The following UACA variants were observed in gnomAD, a reference collection of about 807,000 sequenced individuals.
UACA encodes the protein nuclear membrane binding protein.
A neutral mutation model predicts 160.5 loss-of-function variants in UACA; 112 were observed. The observed-to-expected ratio is 0.70, with a 90% confidence interval of 0.60 to 0.82. UACA has a LOEUF of 0.82. Ranked by LOEUF, UACA falls within the 40% of genes least tolerant of loss-of-function variation. UACA has a pLI of 0.00. For synonymous variants in UACA, 557 were observed against 568.4 expected (o/e 0.98, Z 0.29); for missense variants, 1,574 against 1,614.6 (o/e 0.97, Z 0.43).
intron 3 of UACA, among the ~76,000 whole-genome samples, chr15:70,694,530 C>T (rs1463074868): frequency 1.3e-5 from 2 of 152,116 alleles, no homozygotes; most frequent in East Asian, 3.9e-4. Context: ...CAGCTCAGGG[C>T]CTCAGAACTT....
At chr15:70,658,026 C>A (rs139479372) in intron 18 of UACA, among the ~76,000 whole-genome samples, 1 of 151,640 alleles carries the variant, frequency 6.6e-6, no homozygotes, top group East Asian at 2.0e-4. Flanking sequence ...GGAGTTGAGG[C>A]TGTATGAGCT....
chr15:70,765,539 T>A (rs956926371), upstream of UACA, among the ~76,000 whole-genome samples: 4 of 152,352 alleles, frequency 2.6e-5, no homozygotes, highest in East Asian at 3.9e-4. Flanking sequence ...CTAACACATA[T>A]GAGCTGAGCA....
At chr15:70,777,358 G>A in the UACA span, among the ~76,000 whole-genome samples, 11 of 152,138 alleles carry the variant, frequency 7.2e-5, no homozygotes, top group Middle Eastern at 3.2e-3. Context: ...TGGAGGCCAG[G>A]AGGGACATAT....
At chr15:70,658,840 T>C (rs552755091) in intron 18 of UACA, among the ~76,000 whole-genome samples, 1 of 152,258 alleles carries the variant, frequency 6.6e-6, no homozygotes, top group African/African-American at 2.4e-5. Context: ...TTAGCCATAG[T>C]TGACTGAACT....
At chr15:70,686,484 CTT>C (rs59586401) in intron 7 of UACA, among the ~76,000 whole-genome samples, 15,226 of 105,102 alleles carry the variant, frequency 0.14, 829 homozygotes, top group African/African-American at 0.24. Context: ...AGCCAGGGTT[CTT>C]TTTTTTTTTT....
At chr15:70,691,406 T>C (rs759040692) in intron 3 of UACA, 43 bp from the exon 4 acceptor site, 2 of 1,406,094 alleles carry the variant, frequency 1.4e-6, no homozygotes, top group Non-Finnish European at 2.0e-6. Flanking sequence ...ATTTTCTTCA[T>C]ATGTAAATTG....
intron 1 of UACA, among the ~76,000 whole-genome samples, chr15:70,716,711 T>C (rs1390000607): frequency 6.6e-6 from 1 of 152,186 alleles, no homozygotes; most frequent in Admixed American, 6.5e-5. Context: ...GGAAAATAGA[T>C]ACAATATTAA....
upstream of UACA, among the ~76,000 whole-genome samples, chr15:70,765,064 T>C (rs2030971673): frequency 6.6e-6 from 1 of 152,212 alleles, no homozygotes; most frequent in Admixed American, 6.5e-5. Context: ...ATTCTTTGCA[T>C]TTAAAGCTGT....
At chr15:70,735,398 C>G in intron 1 of UACA, among the ~76,000 whole-genome samples, 1 of 151,600 alleles carries the variant, frequency 6.6e-6, no homozygotes, top group Non-Finnish European at 1.5e-5. Flanking sequence ...AATCTAAATC[C>G]ATCTCTAAAA....
At chr15:70,750,314 T>C (rs115399020) in intron 1 of UACA, among the ~76,000 whole-genome samples, 1,672 of 152,150 alleles carry the variant, frequency 0.011, 28 homozygotes, top group African/African-American at 0.039. Flanking sequence ...CAGGAAGAAG[T>C]CCCAACAACT....
chr15:70,664,973 C>A, intron 16 of UACA, 159 bp from the exon 17 acceptor site: 2 of 520,576 alleles, frequency 3.8e-6, no homozygotes, highest in African/African-American at 2.0e-5. Context: ...AGGATGTATA[C>A]AATATGTAAT....
upstream of UACA, chr15:70,767,882 C>T (rs1024906793): frequency 6.6e-6 from 1 of 152,126 alleles, no homozygotes; most frequent in African/African-American, 2.4e-5. Flanking sequence ...GCACTTCTAC[C>T]CAGAAATCAT....
intron 7 of UACA, among the ~76,000 whole-genome samples, chr15:70,685,520 T>A (rs1897679852): frequency 6.6e-6 from 1 of 152,086 alleles, no homozygotes; most frequent in African/African-American, 2.4e-5. Context: ...ATTAACAAAG[T>A]TTTTGTTATT....
At chr15:70,657,601 C>T (rs1224895977) in intron 18 of UACA, among the ~76,000 whole-genome samples, 2 of 151,380 alleles carry the variant, frequency 1.3e-5, no homozygotes, top group African/African-American at 4.9e-5. Flanking sequence ...TCTGAAAAAA[C>T]AAAAAGACTA....
At position 70,654,657 on chromosome 15, in the gene UACA, A is replaced by C. The variant is rs972157827; in HGVS notation, c.*2399T>G. The C allele has an allele frequency of 6.6e-6, 1 of 152,154 alleles. No homozygotes were observed. The highest frequency in any genetic ancestry group is 1.5e-5 in the Non-Finnish European group (1 of 68,024). The allele number at this position is 152,154 out of a possible 1,614,324, so 9.4% of individuals were successfully genotyped here. A position where few individuals can be genotyped will look rare whatever the true frequency, so the allele number is the denominator to read the frequency against. The stretch of plus-strand genomic sequence containing the variant: ...TTCTGATGGGGAAGTGACAAAAAAA[A>C]AAAACTACACAGAACAAGAGTAATA... On this transcript the variant is annotated 3_prime_UTR_variant, in exon 19 of 19. Coordinates refer to ENST00000322954, the MANE Select transcript of UACA (RefSeq NM_018003.4).
chr15:70,750,033 AC>A (rs1265052516), intron 1 of UACA, among the ~76,000 whole-genome samples: 3 of 152,146 alleles, frequency 2.0e-5, no homozygotes, highest in Non-Finnish European at 2.9e-5. Context: ...TGGGTTTCTG[AC>A]CACGTGTCTG....
rs1896443930 is a variant in UACA at position 70,655,049 on chromosome 15, G to T, written c.*2007C>A. On this transcript the variant is annotated 3_prime_UTR_variant, in exon 19 of 19. Transcript: ENST00000322954. ...GTTTCCTACTCCCAATGCTCTCACA[G>T]ACAGTAAATAAAATAGTTTAACTCG... The T allele has an allele frequency of 6.6e-6, 1 of 152,164 alleles. No individual in the cohort carries two copies. 9.4% of individuals were successfully genotyped at this position (152,164 alleles called of 1,614,324 possible).
At position 70,679,602 on chromosome 15, in the gene UACA, T is replaced by C. The variant is rs1380564005; in HGVS notation, c.891+6A>G. On this transcript the variant is annotated splice_donor_region_variant and intron_variant, in intron 10 of 18. Coordinates refer to ENST00000322954, the MANE Select transcript of UACA (RefSeq NM_018003.4). Reference sequence around the variant, plus strand: ...AAGGAAGACACCATTATTTTTTTCTTTTTACCTGAATATTTTGATGCTCCC... The same window carrying C: ...AAGGAAGACACCATTATTTTTTTCTCTTTACCTGAATATTTTGATGCTCCC... The C allele has an allele frequency of 1.3e-6, 2 of 1,576,888 alleles. No individual in the cohort carries two copies. The highest frequency in any genetic ancestry group is 1.7e-6 in the Non-Finnish European group (2 of 1,160,086).
At chr15:70,735,697 A>G (rs1344590398) in intron 1 of UACA, among the ~76,000 whole-genome samples, 3 of 152,170 alleles carry the variant, frequency 2.0e-5, no homozygotes, top group African/African-American at 7.2e-5. Flanking sequence ...TTTGTTTTTG[A>G]GACAGGGTCT....
Sources: gnomAD v4.1 joint callset for allele counts (sites outside exome capture counted in the v4.1 genomes callset) on GRCh38, gnomAD v4.1.1 for gene constraint, MANE v1.5 for transcripts, NCBI Gene and HGNC (gene_info 2026-07-23, HGNC 2026-07-21) for gene names.